ASPSCR1: variants seen among roughly 807,000 people sequenced by gnomAD.
ASPSCR1 encodes ASPSCR1 tether for SLC2A4, UBX domain containing.
A neutral mutation model predicts 68.9 loss-of-function variants in ASPSCR1; 55 were observed. The ratio of observed to expected loss-of-function variants is 0.80; its 90% CI spans 0.64 to 1.00. The LOEUF (loss-of-function observed/expected upper bound fraction) is 1.00, where lower values mean the gene tolerates loss of function less well. Ranked by LOEUF, ASPSCR1 falls within the 50% of genes least tolerant of loss-of-function variation. ASPSCR1 has a pLI of 0.00. For synonymous variants in ASPSCR1, 352 were observed against 332.6 expected, an observed-to-expected ratio of 1.06 and a Z score of -0.63; for missense variants, 765 against 762.2, an observed-to-expected ratio of 1.00 and a Z score of -0.04.
At chr17:81,996,398 C>A in intron 6 of ASPSCR1, 22 bp from the exon 7 acceptor site, 2 of 1,561,816 alleles carry the variant, frequency 1.3e-6, no homozygotes, top group Non-Finnish European at 1.7e-6. Flanking sequence ...AGGTGCTTCC[C>A]TTGTCCTCTG....
intron 1 of ASPSCR1, chr17:81,978,525 CAA>C (rs545803667): frequency 2.7e-4 from 30 of 111,652 alleles, no homozygotes; most frequent in Middle Eastern, 4.9e-3. Flanking sequence ...GACTCCATAT[CAA>C]AAAAAAAAAA....
At chr17:82,005,270 C>T (rs948722962) in intron 7 of ASPSCR1, 22 of 152,188 alleles carry the variant, frequency 1.4e-4, no homozygotes, top group African/African-American at 5.3e-4. Flanking sequence ...AAACATGAGG[C>T]CGCGTGAAGT....
At chr17:81,985,294 GCA>G (rs1216628393) in intron 3 of ASPSCR1, among the ~76,000 whole-genome samples, 1 of 152,100 alleles carries the variant, frequency 6.6e-6, no homozygotes, top group African/African-American at 2.4e-5. Context: ...ACACTCACAT[GCA>G]CACACGCATG....
chr17:81,983,431 C>T lies in ASPSCR1; in HGVS notation c.159-123C>T, dbSNP rs1239643215. The stretch of plus-strand genomic sequence containing the variant: ...ACGTCCCGCTGTTGGGGAGCTGCCA[C>T]AGGACGTGGATGGCGGGGCGTGGAT... On this transcript the variant is annotated intron_variant, in intron 2 of 15. Transcript: ENST00000306739. This position sits in a 1 kb window ranked among gnomAD's most constrained non-coding sequence, Gnocchi z 4.4. The T allele has an allele frequency of 1.3e-6, 1 of 790,170 alleles. No individual in the cohort carries two copies. Among genetic ancestry groups the T allele is most frequent in the African/African-American group, 1.7e-5 (1 of 58,320 alleles). 48.9% of individuals were successfully genotyped at this position (790,170 alleles called of 1,614,324 possible).
At chr17:81,998,661 T>A (rs1033558763) in intron 7 of ASPSCR1, among the ~76,000 whole-genome samples, 7 of 152,386 alleles carry the variant, frequency 4.6e-5, no homozygotes, top group Middle Eastern at 3.4e-3. Flanking sequence ...CCGTATGCTT[T>A]ATTTTATTGG....
chr17:82,002,182 T>C (rs1488519840), intron 7 of ASPSCR1, among the ~76,000 whole-genome samples: 1 of 151,896 alleles, frequency 6.6e-6, no homozygotes, highest in African/African-American at 2.4e-5. Flanking sequence ...TATTTTTCTT[T>C]TTAAAATTAA....
At chr17:82,002,163 C>T (rs1459491810) in intron 7 of ASPSCR1, among the ~76,000 whole-genome samples, 1 of 151,484 alleles carries the variant, frequency 6.6e-6, no homozygotes, top group African/African-American at 2.4e-5. Context: ...CTCTTTTCAT[C>T]TTCTAAAGTA....
chr17:82,003,401 T>G (rs1474781271), intron 7 of ASPSCR1, among the ~76,000 whole-genome samples: 3 of 152,188 alleles, frequency 2.0e-5, no homozygotes, highest in African/African-American at 4.8e-5. Context: ...TGAGCTGAGA[T>G]TGCACTGCTG....
chr17:81,978,394 C>G (rs1216011243), intron 1 of ASPSCR1: 1 of 152,038 alleles, frequency 6.6e-6, no homozygotes, highest in Non-Finnish European at 1.5e-5. Flanking sequence ...GGCGTGGTGG[C>G]GGGCGCCTGT....
chr17:82,011,375 C>T lies in ASPSCR1; in HGVS notation c.1238-168C>T, dbSNP rs543259122. On this transcript the variant is annotated intron_variant, in intron 10 of 15. Transcript: ENST00000306739. ...GCGGGGGTCCCAAGTGTGGCCCGCACGGTGGCCCAGCCACGCCGAGCACCT... is the reference window on the plus strand; with the variant it reads ...GCGGGGGTCCCAAGTGTGGCCCGCATGGTGGCCCAGCCACGCCGAGCACCT... 7.9e-5 allele frequency among the ~76,000 whole-genome samples: 12 copies of T among 152,270 alleles called. No homozygotes were observed. In the East Asian group the frequency reaches 9.7e-4, roughly 12 times the overall value.
At chr17:81,996,170 C>CA in intron 6 of ASPSCR1, 105 bp downstream of exon 6, 2 of 1,379,000 alleles carry the variant, frequency 1.5e-6, no homozygotes, top group Non-Finnish European at 1.9e-6. Flanking sequence ...TAGGTGTACC[C>CA]AGGCCCTCAT....
chr17:81,990,457 C>T lies in ASPSCR1; in HGVS notation c.375-4364C>T, dbSNP rs1277418903. The stretch of plus-strand genomic sequence containing the variant: ...CAGCCACGCCGAGCTCTGGGGGACA[C>T]TGCTCTCCGCCTGCCTGGTGGGCCT... On this transcript the variant is annotated intron_variant, in intron 4 of 15. Transcript: ENST00000306739. The surrounding 1 kb of genome is among the most constrained non-coding windows in gnomAD (Gnocchi z 4.1). Among the ~76,000 whole-genome samples, 1 of 152,218 alleles carries T rather than the reference C, an allele frequency of 6.6e-6. No homozygotes were observed. The highest frequency in any genetic ancestry group is 1.5e-5 in the Non-Finnish European group (1 of 68,050).
rs2144087327 is a variant in ASPSCR1 at position 82,009,581 on chromosome 17, A to G, written c.1170+14A>G. ...CGCTACCCAAAGGTCTGCAGACAGG[A>G]TGTGGGGGCGACTGAGGCACAGCTC... is the stretch of plus-strand genomic sequence containing the variant. On this transcript the variant is annotated intron_variant, in intron 9 of 15. Coordinates refer to ENST00000306739, the MANE Select transcript of ASPSCR1 (RefSeq NM_024083.4). 1.3e-6 allele frequency: 2 copies of G among 1,556,416 alleles called. No individual in the cohort carries two copies. Among genetic ancestry groups the G allele is most frequent in the Non-Finnish European group, 8.6e-7 (1 of 1,158,172 alleles).
chr17:82,012,237 C>T lies in ASPSCR1; in HGVS notation c.1307C>T (p.Thr436Ile), dbSNP rs754862623. ...NPELSFYLFITPPKTVLDDHT... is the reference protein window; with the variant it reads ...NPELSFYLFIIPPKTVLDDHT... The stretch of plus-strand genomic sequence containing the variant: ...AGGTGCCTTCTCTCCTCAGTCATCA[C>T]CCCTCCAAAAACAGTCCTGGACGAC... Residue 436 changes from threonine to isoleucine, a missense_variant, in exon 12 of 16, where the codon ACC (threonine) becomes ATC (isoleucine). Coordinates refer to ENST00000306739, the MANE Select transcript of ASPSCR1 (RefSeq NM_024083.4). 5 of 1,613,494 alleles carry T rather than the reference C, an allele frequency of 3.1e-6. No homozygotes were observed. Among genetic ancestry groups the T allele is most frequent in the African/African-American group, 1.3e-5 (1 of 74,916 alleles).
At chr17:81,993,613 C>T (rs2042242803) in intron 4 of ASPSCR1, among the ~76,000 whole-genome samples, 1 of 152,204 alleles carries the variant, frequency 6.6e-6, no homozygotes, top group African/African-American at 2.4e-5. Flanking sequence ...TGGGTTCAGG[C>T]GGAGGCCGAG....
At position 82,017,396 on chromosome 17, in the gene ASPSCR1, G is replaced by A. The variant is rs369392943; in HGVS notation, c.*74G>A. ...TCTGCCAGCAGGAATAAAGACTTGT[G>A]CATCCCTCAACGCCTTCCTGTCATG... On this transcript the variant is annotated 3_prime_UTR_variant, in exon 16 of 16. Transcript: ENST00000306739. 1.2e-6 allele frequency: 2 copies of A among 1,603,990 alleles called. No homozygotes were observed. Among genetic ancestry groups the A allele is most frequent in the African/African-American group, 1.3e-5 (1 of 74,896 alleles).
At position 81,983,865 on chromosome 17, in the gene ASPSCR1, T is replaced by C. The variant is rs538438229; in HGVS notation, c.273+197T>C. Among the ~76,000 whole-genome samples, 2 of 151,790 alleles carry C rather than the reference T, an allele frequency of 1.3e-5. No homozygotes were observed. The highest frequency in any genetic ancestry group is 3.9e-4 in the East Asian group (2 of 5,132). ...CAACTGAAAATGAGCATCTCATGTT[T>C]TTTTTTTTTTGAGCTGGAGTCTCGC... On this transcript the variant is annotated intron_variant, in intron 3 of 15. Transcript: ENST00000306739. The surrounding 1 kb of genome is among the most constrained non-coding windows in gnomAD (Gnocchi z 4.4).
intron 3 of ASPSCR1, among the ~76,000 whole-genome samples, chr17:81,984,015 C>T (rs530143985): frequency 5.3e-5 from 8 of 152,052 alleles, no homozygotes; most frequent in South Asian, 2.1e-4. Context: ...CCACCACACC[C>T]GGCTAATTTT....
rs1347439165 is a variant in ASPSCR1, at chr17:81,983,198, C to T, written c.159-356C>T. Among the ~76,000 whole-genome samples the T allele has an allele frequency of 1.3e-5, 2 of 152,216 alleles. No individual in the cohort carries two copies. The highest frequency in any genetic ancestry group is 2.9e-5 in the Non-Finnish European group (2 of 68,048). The stretch of plus-strand genomic sequence containing the variant: ...GTGACGGCCGGGGTCTGTGACACTC[C>T]AGCTTCCGCGAGTGCAGCAGTGTTC... On this transcript the variant is annotated intron_variant, in intron 2 of 15. Transcript: ENST00000306739. This position sits in a 1 kb window ranked among gnomAD's most constrained non-coding sequence, Gnocchi z 4.4.
Sources: gnomAD v4.1 joint callset for allele counts (sites outside exome capture counted in the v4.1 genomes callset) on GRCh38, gnomAD v4.1.1 for gene constraint, Gnocchi (gnomAD v3.1) non-coding constraint, MANE v1.5 for transcripts, NCBI Gene and HGNC (gene_info 2026-07-23, HGNC 2026-07-21) for gene names.